CACNA2D1: variants seen among roughly 807,000 people sequenced by gnomAD.
The protein encoded by CACNA2D1 is voltage-dependent calcium channel subunit alpha-2/delta-1.
A neutral mutation model predicts 171.5 loss-of-function variants in CACNA2D1; 53 were observed. The ratio of observed to expected loss-of-function variants is 0.31; its 90% CI spans 0.25 to 0.39. The LOEUF (loss-of-function observed/expected upper bound fraction) is 0.39. Among genes scored for constraint, CACNA2D1 ranks in the 10% least tolerant of loss-of-function variants. The pLI, the probability that CACNA2D1 is intolerant of heterozygous loss-of-function variation, is 1.00. For synonymous variants in CACNA2D1, 442 were observed against 443.1 expected, an observed-to-expected ratio of 1.00 and a Z score of 0.03; for missense variants, 903 against 1,299.8, an observed-to-expected ratio of 0.69 and a Z score of 4.69.
At chr7:82,037,945 GCACACATCTGTGT>G (rs1803511316) in intron 11 of CACNA2D1, 119 bp downstream of exon 11, 1 of 841,522 alleles carries the variant, frequency 1.2e-6, no homozygotes, top group African/African-American at 1.7e-5. Context: ...TCTTCTGCCT[GCACACATCTGTGT>G]TTTAAATAAA....
At chr7:82,008,756 G>A (rs762938022) in intron 15 of CACNA2D1, among the ~76,000 whole-genome samples, 3 of 151,962 alleles carry the variant, frequency 2.0e-5, no homozygotes, top group Non-Finnish European at 4.4e-5. Context: ...AGTTGGATTT[G>A]GAATAATTAT....
At chr7:82,073,355 A>G (rs1288730593) in intron 7 of CACNA2D1, among the ~76,000 whole-genome samples, 2 of 152,216 alleles carry the variant, frequency 1.3e-5, no homozygotes, top group African/African-American at 4.8e-5. Context: ...CAGCTTAAAA[A>G]AATACCTATT....
chr7:82,343,859 A>G lies in CACNA2D1; in HGVS notation c.177+5709T>C, dbSNP rs1288621690. On this transcript the variant is annotated intron_variant, in intron 2 of 38. Coordinates refer to ENST00000356860, the MANE Select transcript of CACNA2D1 (RefSeq NM_000722.4). ...CTGCCTGTTTAATGTCTCTAACCCCAAACGACCTAAATATATTTCACTGCC... is the reference window on the plus strand; with the variant it reads ...CTGCCTGTTTAATGTCTCTAACCCCGAACGACCTAAATATATTTCACTGCC... 3.3e-5 allele frequency among the ~76,000 whole-genome samples: 5 copies of G among 152,200 alleles called. No homozygotes were observed. In the South Asian group the frequency reaches 1.0e-3, roughly 31 times the overall value.
At chr7:82,125,773 T>A (rs1790269092) in intron 5 of CACNA2D1, among the ~76,000 whole-genome samples, 1 of 152,184 alleles carries the variant, frequency 6.6e-6, no homozygotes, top group African/African-American at 2.4e-5. Flanking sequence ...ATCTTCCCCG[T>A]TTGTGTTTGC....
At chr7:82,154,546 T>C (rs886340991) in intron 4 of CACNA2D1, among the ~76,000 whole-genome samples, 4 of 152,112 alleles carry the variant, frequency 2.6e-5, no homozygotes, top group Admixed American at 2.6e-4. Context: ...GACACATGTA[T>C]ACCTAAGTAA....
chr7:81,950,635 C>T (rs1259710135), intron 38 of CACNA2D1, 127 bp from the exon 39 acceptor site: 20 of 1,306,904 alleles, frequency 1.5e-5, no homozygotes, highest in Non-Finnish European at 2.0e-5. Flanking sequence ...TATAAAACTG[C>T]TGTAATTGAA....
At chr7:82,120,865 A>G (rs1401708859) in intron 5 of CACNA2D1, among the ~76,000 whole-genome samples, 2 of 118,250 alleles carry the variant, frequency 1.7e-5, no homozygotes, top group Admixed American at 9.5e-5. Context: ...ACAGAGCGAG[A>G]CTCTATCTCA....
intron 11 of CACNA2D1, among the ~76,000 whole-genome samples, chr7:82,036,517 ACT>A (rs1359935262): frequency 1.3e-5 from 2 of 152,170 alleles, no homozygotes; most frequent in African/African-American, 2.4e-5. Context: ...GAAATGCCAC[ACT>A]TTTCCTGACC....
At chr7:82,042,499 G>A (rs1804085687) in intron 10 of CACNA2D1, among the ~76,000 whole-genome samples, 1 of 152,096 alleles carries the variant, frequency 6.6e-6, no homozygotes, top group Admixed American at 6.6e-5. Context: ...GACAGAGTCA[G>A]AAATCCAAAC....
At chr7:82,222,291 A>G (rs1801853819) in intron 3 of CACNA2D1, among the ~76,000 whole-genome samples, 1 of 152,346 alleles carries the variant, frequency 6.6e-6, no homozygotes, top group African/African-American at 2.4e-5. Flanking sequence ...TAAAATGCCC[A>G]GAAGCTGATC....
chr7:82,404,768 C>T (rs1420690937), intron 1 of CACNA2D1, among the ~76,000 whole-genome samples: 2 of 152,132 alleles, frequency 1.3e-5, no homozygotes, highest in African/African-American at 4.8e-5. Context: ...CAGTGTCACT[C>T]TGTAGTCAAC....
At chr7:82,016,966 T>G (rs1231197670) in intron 12 of CACNA2D1, among the ~76,000 whole-genome samples, 2 of 152,256 alleles carry the variant, frequency 1.3e-5, no homozygotes, top group South Asian at 2.1e-4. Context: ...TCCTGAAATT[T>G]TATTCCAAGT....
At chr7:81,979,100 TATACGACGTGTCTAGAACAAGCAC>T (rs1211985260) in intron 24 of CACNA2D1, among the ~76,000 whole-genome samples, 1 of 152,134 alleles carries the variant, frequency 6.6e-6, no homozygotes, top group East Asian at 1.9e-4. Context: ...TTGTTCCATT[TATACGACGTGTCTAGAACAAGCAC>T]ATGGCCATAA....
At chr7:82,305,757 C>T (rs1228552364) in intron 3 of CACNA2D1, among the ~76,000 whole-genome samples, 2 of 151,908 alleles carry the variant, frequency 1.3e-5, no homozygotes, top group African/African-American at 2.4e-5. Flanking sequence ...ATTTGCTTTT[C>T]GTCAGTTGAT....
rs10675809 is a variant in CACNA2D1, at chr7:82,060,211, A to T, written c.879+217T>A. On this transcript the variant is annotated intron_variant, in intron 10 of 38. Coordinates refer to ENST00000356860, the MANE Select transcript of CACNA2D1 (RefSeq NM_000722.4). ...TATATTATATATATATTATATATAT[A>T]ATATATATATAATATATATATATAA... Among the ~76,000 whole-genome samples, 168 of 31,312 alleles carry T rather than the reference A, an allele frequency of 5.4e-3. 11 individuals are homozygous for T. Among genetic ancestry groups the T allele is most frequent in the African/African-American group, 7.3e-3 (69 of 9,486 alleles). 20.5% of individuals were successfully genotyped at this position (31,312 alleles called of 152,430 possible). A position where few individuals can be genotyped will look rare whatever the true frequency, so the allele number is the denominator to read the frequency against.
At chr7:82,420,626 T>C (rs1828625417) in intron 1 of CACNA2D1, among the ~76,000 whole-genome samples, 1 of 152,174 alleles carries the variant, frequency 6.6e-6, no homozygotes, top group South Asian at 2.1e-4. Flanking sequence ...CAGTTCTGTC[T>C]CTTATAAAAT....
intron 12 of CACNA2D1, among the ~76,000 whole-genome samples, chr7:82,016,806 T>C (rs1248094955): frequency 6.6e-6 from 1 of 152,062 alleles, no homozygotes; most frequent in Non-Finnish European, 1.5e-5. Context: ...TTTGTAAACC[T>C]CTTTGTTCTT....
At chr7:82,280,758 T>G (rs1809989174) in intron 3 of CACNA2D1, among the ~76,000 whole-genome samples, 1 of 152,148 alleles carries the variant, frequency 6.6e-6, no homozygotes. Context: ...CATAGCTCAC[T>G]GCAGCCTTGA....
intron 4 of CACNA2D1, among the ~76,000 whole-genome samples, chr7:82,163,158 G>T (rs187976732): frequency 2.6e-5 from 4 of 152,038 alleles, no homozygotes; most frequent in Admixed American, 2.6e-4. Flanking sequence ...GACAATAAAT[G>T]GAAATATATA....
Sources: allele counts gnomAD v4.1 joint callset (sites outside exome capture counted in the v4.1 genomes callset), GRCh38; gene constraint gnomAD v4.1.1; transcripts MANE v1.5; gene names NCBI Gene and HGNC (gene_info 2026-07-23, HGNC 2026-07-21).